YIF1B: variants seen among roughly 807,000 people sequenced by gnomAD.
YIF1B encodes the protein protein YIF1B.
Under a neutral mutation model 34.6 loss-of-function variants are expected in YIF1B, and 24 were observed. The observed-to-expected ratio is 0.69, with a 90% CI of 0.50 to 0.98. The LOEUF is 0.98. Among genes scored for constraint, YIF1B ranks in the 50% least tolerant of loss-of-function variants. The probability of loss-of-function intolerance (pLI) is 0.00; values close to 1 mark genes in which losing one functional copy is unlikely to be tolerated. For synonymous variants in YIF1B, 186 were observed against 184.8 expected, an observed-to-expected ratio of 1.01 and a Z score of -0.05; for missense variants, 368 against 429.4, an observed-to-expected ratio of 0.86 and a Z score of 1.26.
rs1301615819 is a variant in YIF1B, at chr19:38,314,320, G to A, written c.58+1540C>T. Among the ~76,000 whole-genome samples, 7 of 151,176 alleles carry A rather than the reference G, an allele frequency of 4.6e-5. No individual in the cohort carries two copies. In the Admixed American group the frequency reaches 4.6e-4, roughly 10 times the overall value. On this transcript the variant is annotated intron_variant, in intron 1 of 7. Transcript: ENST00000339413. The stretch of plus-strand genomic sequence containing the variant: ...AGCAATTCTTCTGCTTCAGCCTCCT[G>A]AGTAGCTGGGACTACAGGCGCACAC...
chr19:38,314,968 C>T (rs891590793), intron 1 of YIF1B, among the ~76,000 whole-genome samples: 1 of 151,730 alleles, frequency 6.6e-6, no homozygotes, highest in African/African-American at 2.4e-5. Flanking sequence ...TCAGAATTAT[C>T]CTCTTCCATG....
chr19:38,315,558 T>TC, intron 1 of YIF1B: 1 of 1,467,946 alleles, frequency 6.8e-7, no homozygotes, highest in Non-Finnish European at 9.0e-7. Context: ...AGCAGGCGGG[T>TC]ACTGGGGAGC....
chr19:38,314,062 G>A (rs1204829920), intron 1 of YIF1B, among the ~76,000 whole-genome samples: 1 of 151,620 alleles, frequency 6.6e-6, no homozygotes, highest in African/African-American at 2.4e-5. Flanking sequence ...TGTTTCGCTC[G>A]TTGCCTAGGC....
rs1968955002 is a variant in YIF1B, at chr19:38,305,279, G to A, written c.*73C>T. ...GACAGGGTGGACCTTGGGGCCTGCA[G>A]GCAGGAGATGAGTTCGGCGGCCACA... On this transcript the variant is annotated 3_prime_UTR_variant, in exon 8 of 8. Coordinates refer to ENST00000339413, the MANE Select transcript of YIF1B (RefSeq NM_001039672.3). 2.6e-6 allele frequency: 4 copies of A among 1,545,784 alleles called. No homozygotes were observed. The highest frequency in any genetic ancestry group is 1.3e-5 in the African/African-American group (1 of 74,082).
chr19:38,303,801 CCCCTCAGACGCTGCTCACCAA>C lies in YIF1B; in HGVS notation c.*1530_*1550del, dbSNP rs1344536586. Reference sequence around the variant, plus strand: ...GCTGGCTCCAAGTCTATGCCCCTCACCCCTCAGACGCTGCTCACCAAGCCGGAGGGGCTGTGGGAGCGAGTT... The same window carrying C: ...GCTGGCTCCAAGTCTATGCCCCTCACGCCGGAGGGGCTGTGGGAGCGAGTT... On this transcript the variant is annotated 3_prime_UTR_variant, in exon 8 of 8. Coordinates refer to ENST00000339413, the MANE Select transcript of YIF1B (RefSeq NM_001039672.3). 6.6e-6 allele frequency among the ~76,000 whole-genome samples: 1 copy of C among 152,250 alleles called. No individual in the cohort carries two copies. Among genetic ancestry groups the C allele is most frequent in the Admixed American group, 6.5e-5 (1 of 15,282 alleles).
At chr19:38,319,883 C>T, upstream of YIF1B, 1 of 1,332,902 alleles carries the variant, frequency 7.5e-7, no homozygotes, top group Non-Finnish European at 9.6e-7. Flanking sequence ...AACTAGGTGC[C>T]AGACGGTCCG....
In YIF1B at chr19:38,305,446, C is replaced by G; in HGVS notation, c.851G>C (p.Gly284Ala). ...DAAAEGVPVR[G>A]ARNQLRMYLT... ...GTACATGCGCAGCTGGTTCCGGGCC[C>G]CACGCACCGGGACCCCCTCAGCTGC... Residue 284 changes from glycine to alanine, a missense_variant, in exon 8 of 8, where the codon GGG becomes GCG. Physicochemically the swap from Gly to Ala is moderately conservative, Grantham distance 60 (BLOSUM62 0). This residue lies in a region of YIF1B where 208 missense variants were observed against 247.8 expected (regional missense o/e 0.84). Transcript: ENST00000339413. 6.2e-7 allele frequency: 1 copy of G among 1,610,186 alleles called. No individual in the cohort carries two copies. Among genetic ancestry groups the G allele is most frequent in the Non-Finnish European group, 8.5e-7 (1 of 1,178,116 alleles).
Position 38,304,134 on chromosome 19 carries a change from C to A in YIF1B, c.*1218G>T. On this transcript the variant is annotated 3_prime_UTR_variant, in exon 8 of 8. Transcript: ENST00000339413. ...CGGGCAATGAGTCAGGGCTGAGGACCAGGACAGAGGTTGGGTGGGGCGTCT... is the reference window on the plus strand; with the variant it reads ...CGGGCAATGAGTCAGGGCTGAGGACAAGGACAGAGGTTGGGTGGGGCGTCT... 1 of 1,169,700 alleles carries A rather than the reference C, an allele frequency of 8.5e-7. No homozygotes were observed. Among genetic ancestry groups the A allele is most frequent in the Non-Finnish European group, 1.2e-6 (1 of 817,070 alleles). 72.5% of individuals were successfully genotyped at this position (1,169,700 alleles called of 1,614,324 possible). A position where few individuals can be genotyped will look rare whatever the true frequency, so the allele number is the denominator to read the frequency against.
chr19:38,310,400 TATCCATCC>T (rs1288016496), intron 1 of YIF1B, among the ~76,000 whole-genome samples: 1 of 146,476 alleles, frequency 6.8e-6, no homozygotes, highest in African/African-American at 2.5e-5. Flanking sequence ...TCTTTCCATC[TATCCATCC>T]ATCCATCCAC....
chr19:38,306,076 C>T (rs1969013791), intron 7 of YIF1B, among the ~76,000 whole-genome samples: 1 of 151,820 alleles, frequency 6.6e-6, no homozygotes, highest in South Asian at 2.1e-4. Context: ...GTGGTGAGTG[C>T]CTGTAGTCCC....
At position 38,315,626 on chromosome 19, in the gene YIF1B, G is replaced by T. The variant is rs1318131331; in HGVS notation, c.58+234C>A. The T allele has an allele frequency of 3.2e-6, 5 of 1,541,816 alleles. No individual in the cohort carries two copies. The Admixed American group carries it at 9.9e-5, about 31-fold the overall frequency. On this transcript the variant is annotated intron_variant, in intron 1 of 7. Coordinates refer to ENST00000339413, the MANE Select transcript of YIF1B (RefSeq NM_001039672.3). ...CGCTAACTGCAAATGAATGAAAGTT[G>T]CATTTCTCTGCATATCGCACGCTAT...
Position 38,303,897 on chromosome 19 carries a change from G to A in YIF1B, c.*1455C>T, listed in dbSNP as rs1057134680. Among the ~76,000 whole-genome samples the A allele has an allele frequency of 3.9e-5, 6 of 152,228 alleles. No individual in the cohort carries two copies. The highest frequency in any genetic ancestry group is 7.2e-5 in the African/African-American group (3 of 41,468). ...AGCGCCCTGCGTGTTAAAGCGCCGC[G>A]GAGGAAGCTGTATTGTCGCGGTACG... On this transcript the variant is annotated 3_prime_UTR_variant, in exon 8 of 8. Coordinates refer to ENST00000339413, the MANE Select transcript of YIF1B (RefSeq NM_001039672.3).
intron 1 of YIF1B, among the ~76,000 whole-genome samples, chr19:38,315,268 G>T (rs1226893304): frequency 1.3e-5 from 2 of 149,896 alleles, no homozygotes; most frequent in African/African-American, 2.5e-5. Flanking sequence ...AAAAGAAAAA[G>T]AAGTATCCTC....
At chr19:38,309,983 TCCATCCATCCAGCCATCCATCCAC>T (rs1969251019) in intron 1 of YIF1B, 4 of 423,192 alleles carry the variant, frequency 9.5e-6, no homozygotes, top group Non-Finnish European at 1.5e-5. Flanking sequence ...CATTCATCCA[TCCATCCATCCAGCCATCCATCCAC>T]CCACCCATCT....
At chr19:38,309,117 G>T in intron 3 of YIF1B, 60 bp from the exon 4 acceptor site, 1 of 1,561,162 alleles carries the variant, frequency 6.4e-7, no homozygotes, top group African/African-American at 1.4e-5. Context: ...CCCTGCTACA[G>T]GCCCTCCTCC....
chr19:38,315,719 G>C (rs1324190561), intron 1 of YIF1B, 141 bp downstream of exon 1: 3 of 1,609,470 alleles, frequency 1.9e-6, no homozygotes, highest in Non-Finnish European at 2.5e-6. Flanking sequence ...CCTCCTACCC[G>C]AACCTGGCAT....
rs1177013250 is a variant in YIF1B at position 38,306,252 on chromosome 19, G to A, written c.790-745C>T. On this transcript the variant is annotated intron_variant, in intron 7 of 7. Coordinates refer to ENST00000339413, the MANE Select transcript of YIF1B (RefSeq NM_001039672.3). Reference sequence around the variant, plus strand: ...AAAAAGTCAGGGTCTCACCCTGTCCGCCAGGCTTGACTGCAGTGGCGTGAC... The same window carrying A: ...AAAAAGTCAGGGTCTCACCCTGTCCACCAGGCTTGACTGCAGTGGCGTGAC... 5.2e-5 allele frequency among the ~76,000 whole-genome samples: 7 copies of A among 135,168 alleles called. No homozygotes were observed. The East Asian group carries it at 9.1e-4, about 18-fold the overall frequency. The allele number at this position is 135,168 out of a possible 152,430, so 88.7% of individuals were successfully genotyped here.
At position 38,309,626 on chromosome 19, in the gene YIF1B, GGATCCTCCGCTTC is replaced by G; in HGVS notation, c.63_75del (p.Lys22LeufsTer34). 6.2e-7 allele frequency: 1 copy of G among 1,600,364 alleles called. No individual in the cohort carries two copies. Among genetic ancestry groups the G allele is most frequent in the East Asian group, 2.2e-5 (1 of 44,450 alleles). ...TCGGCCATGCCCGGCTGGGACACAGGGATCCTCCGCTTCGAGGCTGCAAGGGAAGAGAGTGAGA... is the reference window on the plus strand; with the variant it reads ...TCGGCCATGCCCGGCTGGGACACAGGGAGGCTGCAAGGGAAGAGAGTGAGA... On this transcript the variant is annotated frameshift_variant, in exon 2 of 8. Transcript: ENST00000339413. LOFTEE classifies it high-confidence loss of function.
chr19:38,321,828 C>T (rs533627347), upstream of YIF1B, among the ~76,000 whole-genome samples: 10 of 152,340 alleles, frequency 6.6e-5, no homozygotes, highest in East Asian at 1.9e-3. Flanking sequence ...CGCCTCCTAC[C>T]TCTTCCCAGA....
Sources: allele counts gnomAD v4.1 joint callset (sites outside exome capture counted in the v4.1 genomes callset), GRCh38; gene constraint gnomAD v4.1.1; regional missense constraint gnomAD v4.1.1; transcripts MANE v1.5; gene names NCBI Gene and HGNC (gene_info 2026-07-23, HGNC 2026-07-21).